Variants in RTN1 observed in about 807,000 individuals in gnomAD.
RTN1 encodes the protein reticulon-1.
A neutral mutation model predicts 65.5 loss-of-function variants in RTN1; 25 were observed. The ratio of observed to expected loss-of-function variants is 0.38; its 90% CI spans 0.28 to 0.53. The LOEUF is 0.53. Ranked by LOEUF, RTN1 falls within the 20% of genes least tolerant of loss-of-function variation. The probability of loss-of-function intolerance (pLI) is 0.79; values close to 1 mark genes in which losing one functional copy is unlikely to be tolerated. For missense variants in RTN1, 983 were observed against 1,025.4 expected, an observed-to-expected ratio of 0.96 and a Z score of 0.57; for synonymous variants, 471 against 447.6, an observed-to-expected ratio of 1.05 and a Z score of -0.66.
chr14:59,601,565 T>A (rs1397301638), intron 8 of RTN1, among the ~76,000 whole-genome samples: 2 of 152,176 alleles, frequency 1.3e-5, no homozygotes, highest in Non-Finnish European at 2.9e-5. Flanking sequence ...GGTACTCCTC[T>A]TTTTGGACTC....
rs376521558 is a variant in RTN1 at position 59,631,388 on chromosome 14, A to C, written c.1766-23896T>G. Among the ~76,000 whole-genome samples, 15 of 152,310 alleles carry C rather than the reference A, an allele frequency of 9.8e-5. No homozygotes were observed. In the East Asian group the frequency reaches 1.5e-3, roughly 16 times the overall value. On this transcript the variant is annotated intron_variant, in intron 3 of 8. Coordinates refer to ENST00000267484, the MANE Select transcript of RTN1 (RefSeq NM_021136.3). Reference sequence around the variant, plus strand: ...CAATCCAAGGGTGTCATTTGTGGGGACGTTCAAACAGAACTCAGGGAAGCA... The same window carrying C: ...CAATCCAAGGGTGTCATTTGTGGGGCCGTTCAAACAGAACTCAGGGAAGCA...
chr14:59,727,276 A>G lies in RTN1; in HGVS notation c.1408T>C (p.Ser470Pro). The G allele has an allele frequency of 6.6e-7, 1 of 1,506,148 alleles. No homozygotes were observed. The highest frequency in any genetic ancestry group is 8.9e-7 in the Non-Finnish European group (1 of 1,126,622). The allele number at this position is 1,506,148 out of a possible 1,614,324, so 93.3% of individuals were successfully genotyped here. A position where few individuals can be genotyped will look rare whatever the true frequency, so the allele number is the denominator to read the frequency against. ...AELDSELIIE[S>P]CDASSASEES... ...TCCGAGGCCGAGGAGGCGTCGCACG[A>G]CTCGATGATGAGCTCGCTGTCCAGC... The change falls in exon 3 of 9, where the codon TCG becomes CCG. Residue 470 changes from serine to proline, a missense_variant. Physicochemically the swap from Ser to Pro is moderately conservative, Grantham distance 74 (BLOSUM62 -1). Around this residue, in one of 2 missense-constraint regions of RTN1, gnomAD observed 818 missense variants for 801.8 expected, o/e 1.02. Transcript: ENST00000267484. The surrounding 1 kb of genome is among the most constrained non-coding windows in gnomAD (Gnocchi z 4.2).
At chr14:59,661,586 G>A (rs959020676) in intron 3 of RTN1, among the ~76,000 whole-genome samples, 2 of 152,154 alleles carry the variant, frequency 1.3e-5, no homozygotes, top group South Asian at 2.1e-4. Flanking sequence ...GGGATGCAAG[G>A]CTGGTTCAAC....
chr14:59,612,983 C>A (rs919308441), intron 3 of RTN1, among the ~76,000 whole-genome samples: 2 of 152,110 alleles, frequency 1.3e-5, no homozygotes, highest in African/African-American at 2.4e-5. Context: ...TGGAATAATT[C>A]CTTTCTGGTT....
chr14:59,753,024 T>G (rs565443099), intron 1 of RTN1, among the ~76,000 whole-genome samples: 1 of 152,282 alleles, frequency 6.6e-6, no homozygotes, highest in Admixed American at 6.5e-5. Context: ...CTTCCAACTT[T>G]CCATGATTTT....
intron 3 of RTN1, among the ~76,000 whole-genome samples, chr14:59,633,639 G>A (rs918937774): frequency 6.6e-5 from 10 of 152,362 alleles, no homozygotes; most frequent in South Asian, 6.2e-4. Context: ...CTTGCTAAAA[G>A]TAGGCAGGAA....
chr14:59,743,570 G>A (rs910992873), intron 2 of RTN1, among the ~76,000 whole-genome samples: 1 of 152,146 alleles, frequency 6.6e-6, no homozygotes, highest in Non-Finnish European at 1.5e-5. Flanking sequence ...TTTTAGGCAG[G>A]GGCAAGACGT....
chr14:59,645,164 C>G (rs1333391654), intron 3 of RTN1, among the ~76,000 whole-genome samples: 1 of 151,704 alleles, frequency 6.6e-6, no homozygotes, highest in African/African-American at 2.4e-5. Flanking sequence ...AGATTTACAA[C>G]TACCCTCGCC....
At chr14:59,692,252 T>C (rs770860000) in intron 3 of RTN1, among the ~76,000 whole-genome samples, 4 of 152,176 alleles carry the variant, frequency 2.6e-5, no homozygotes, top group Admixed American at 1.3e-4. Flanking sequence ...ACAAATTCCA[T>C]GTACAAAAAT....
At chr14:59,750,017 ATATAT>A (rs1339338455) in intron 1 of RTN1, among the ~76,000 whole-genome samples, 3 of 67,748 alleles carry the variant, frequency 4.4e-5, no homozygotes, top group Non-Finnish European at 7.7e-5. Flanking sequence ...CATATATATT[ATATAT>A]TATATTATAT....
At chr14:59,861,338 C>T (rs1887706228) in intron 1 of RTN1, among the ~76,000 whole-genome samples, 1 of 152,184 alleles carries the variant, frequency 6.6e-6, no homozygotes, top group Admixed American at 6.5e-5. Context: ...TAAGACATGA[C>T]TCGCTCCTCC....
At chr14:59,762,148 C>T (rs539632509) in intron 1 of RTN1, among the ~76,000 whole-genome samples, 4 of 152,170 alleles carry the variant, frequency 2.6e-5, no homozygotes, top group Admixed American at 2.6e-4. Context: ...GTGTGGTATG[C>T]TTCATGGTTA....
chr14:59,760,627 A>G (rs1289545506), intron 1 of RTN1, among the ~76,000 whole-genome samples: 1 of 152,222 alleles, frequency 6.6e-6, no homozygotes, highest in East Asian at 1.9e-4. Context: ...CAAACATTTG[A>G]AGACAGCTAT....
At chr14:59,777,315 C>G (rs1350143704) in intron 1 of RTN1, among the ~76,000 whole-genome samples, 1 of 152,164 alleles carries the variant, frequency 6.6e-6, no homozygotes, top group African/African-American at 2.4e-5. Context: ...TGTCTTTCTT[C>G]TTTACCCACA....
chr14:59,662,086 T>G (rs1465777927), intron 3 of RTN1, among the ~76,000 whole-genome samples: 1 of 152,174 alleles, frequency 6.6e-6, no homozygotes, highest in African/African-American at 2.4e-5. Flanking sequence ...AAAATCAATG[T>G]GCAAAAATCA....
rs1886183012 is a variant in RTN1 at position 59,782,878 on chromosome 14, G to A, written c.242-36397C>T. ...AATGATTATTTAAAGTGCTACAGGA[G>A]GGCATTCAAGATGATTAGAGAAAAA... On this transcript the variant is annotated intron_variant, in intron 1 of 8. Transcript: ENST00000267484. 3.9e-5 allele frequency among the ~76,000 whole-genome samples: 6 copies of A among 152,016 alleles called. No homozygotes were observed. In the South Asian group the frequency reaches 1.2e-3, roughly 32 times the overall value.
At chr14:59,731,771 T>C (rs1884902120) in intron 2 of RTN1, among the ~76,000 whole-genome samples, 1 of 152,230 alleles carries the variant, frequency 6.6e-6, no homozygotes, top group South Asian at 2.1e-4. Flanking sequence ...TCTGCAACCC[T>C]ACTTTCTTCA....
rs1384344013 is a variant in RTN1, at chr14:59,816,507, A to G, written c.241+53883T>C. On this transcript the variant is annotated intron_variant, in intron 1 of 8. Coordinates refer to ENST00000267484, the MANE Select transcript of RTN1 (RefSeq NM_021136.3). This position sits in a 1 kb window ranked among gnomAD's most constrained non-coding sequence, Gnocchi z 4.3. Reference sequence around the variant, plus strand: ...CACCTGAGACACAGTAGGAGGCTTAATAAATATTTATTGCACATAGAAATG... The same window carrying G: ...CACCTGAGACACAGTAGGAGGCTTAGTAAATATTTATTGCACATAGAAATG... Among the ~76,000 whole-genome samples, 1 of 152,230 alleles carries G rather than the reference A, an allele frequency of 6.6e-6. No individual in the cohort carries two copies. Among genetic ancestry groups the G allele is most frequent in the Non-Finnish European group, 1.5e-5 (1 of 68,048 alleles).
At chr14:59,656,264 T>C (rs1300595703) in intron 3 of RTN1, among the ~76,000 whole-genome samples, 1 of 149,422 alleles carries the variant, frequency 6.7e-6, no homozygotes, top group Non-Finnish European at 1.5e-5. Flanking sequence ...CTTTGGGGGG[T>C]AATGAAAATG....
Sources: allele counts gnomAD v4.1 joint callset (sites outside exome capture counted in the v4.1 genomes callset), GRCh38; gene constraint gnomAD v4.1.1; regional missense constraint gnomAD v4.1.1; non-coding constraint Gnocchi (gnomAD v3.1); transcripts MANE v1.5; gene names NCBI Gene and HGNC (gene_info 2026-07-23, HGNC 2026-07-21).